The following ATG4A variants were observed in gnomAD, a reference collection of about 807,000 sequenced individuals.
ATG4A encodes autophagy related 4A cysteine peptidase, also known as cysteine protease ATG4A.
ATG4A carries 22 observed loss-of-function variants against 38.4 expected under a neutral mutation model. The observed-to-expected ratio is 0.57, with a 90% CI of 0.41 to 0.82. The LOEUF (loss-of-function observed/expected upper bound fraction) is 0.82. Among genes scored for constraint, ATG4A ranks in the 40% least tolerant of loss-of-function variants. The pLI is 0.00. For missense variants in ATG4A, 220 were observed against 290.0 expected (o/e 0.76, Z 1.75); for synonymous variants, 86 against 100.7 (o/e 0.85, Z 0.88).
intron 9 of ATG4A, 152 bp from the exon 10 acceptor site, chrX:108,150,000 A>T: frequency 1.6e-6 from 1 of 611,333 alleles, no homozygotes; most frequent in Non-Finnish European, 2.5e-6. Flanking sequence ...GGCTTCCTTT[A>T]AGCATGCTCA....
Position 108,153,707 on chromosome X carries a change from G to A in ATG4A, c.1192G>A (p.Val398Met). The change falls in exon 13 of 13, where the codon GTG becomes ATG. Residue 398 changes from valine (V) to methionine (M), a missense_variant. Around this residue, in one of 3 missense-constraint regions of ATG4A, gnomAD observed 159 missense variants for 188.9 expected, o/e 0.84. Coordinates refer to ENST00000372232, the MANE Select transcript of ATG4A (RefSeq NM_052936.5). ...GGAGGAAGATTTTGAGATTCTGAGT[G>A]TGTAGAATCCTGGGAACTCAACTTG... ...DLEEDFEILS[V>M] 1 of 1,202,479 alleles carries A rather than the reference G, an allele frequency of 8.3e-7. No homozygotes were observed. Among genetic ancestry groups the A allele is most frequent in the East Asian group, 3.0e-5 (1 of 33,808 alleles).
intron 6 of ATG4A, among the ~76,000 whole-genome samples, chrX:108,135,931 C>G (rs1029843728): frequency 2.7e-5 from 3 of 109,428 alleles, no homozygotes; most frequent in African/African-American, 1.0e-4. Context: ...TTACAGGTGG[C>G]TGCTACCACA....
intron 9 of ATG4A, among the ~76,000 whole-genome samples, chrX:108,144,765 A>T (rs1390046333): frequency 8.9e-6 from 1 of 112,428 alleles, no homozygotes; most frequent in African/African-American, 3.2e-5. Context: ...CAAATTTGGC[A>T]CCAATTTCCC....
intron 10 of ATG4A, among the ~76,000 whole-genome samples, chrX:108,150,734 G>A (rs1267964237): frequency 8.9e-6 from 1 of 111,995 alleles, no homozygotes; most frequent in Admixed American, 9.4e-5. Context: ...CTACCACAAG[G>A]ATGGTATGGG....
At chrX:108,095,374 AC>A (rs2031775101) in intron 1 of ATG4A, among the ~76,000 whole-genome samples, 1 of 111,874 alleles carries the variant, frequency 8.9e-6, no homozygotes, top group Non-Finnish European at 1.9e-5. Flanking sequence ...ACAGGCATGC[AC>A]CAACACACTC....
chrX:108,115,873 A>G (rs1023309615), intron 1 of ATG4A, among the ~76,000 whole-genome samples: 1 of 112,569 alleles, frequency 8.9e-6, no homozygotes, highest in Non-Finnish European at 1.9e-5. Context: ...ATGAAGAGCC[A>G]CTATTAGAGA....
At chrX:108,090,195 T>G (rs1292483674), upstream of ATG4A, among the ~76,000 whole-genome samples, 1 of 112,384 alleles carries the variant, frequency 8.9e-6, no homozygotes, top group African/African-American at 3.2e-5. Flanking sequence ...TTACACTTAC[T>G]AAAATTAACA....
chrX:108,153,018 C>T lies in ATG4A; in HGVS notation c.1057C>T (p.Gln353Ter). The change falls in exon 12 of 13, where the codon CAG becomes TAG. Residue 353 changes from glutamine (Q) to a stop codon, truncating the protein, a stop_gained. Transcript: ENST00000372232. LOFTEE classifies it high-confidence loss of function. ...GAATTTAAGGATGTTTGAATTAGTT[C>T]AGAAACATCCATCACACTGGCCTCC... The part of the protein sequence containing the change: ...KENLRMFELV[Q>*]KHPSHWPPFV... The T allele has an allele frequency of 8.3e-7, 1 of 1,210,555 alleles. No homozygotes were observed. Among genetic ancestry groups the T allele is most frequent in the Non-Finnish European group, 1.1e-6 (1 of 894,420 alleles).
chrX:108,118,960 T>A (rs778730736), intron 1 of ATG4A, among the ~76,000 whole-genome samples: 3 of 112,292 alleles, frequency 2.7e-5, no homozygotes, highest in Non-Finnish European at 5.6e-5. Flanking sequence ...TCATTTAACA[T>A]CCAGTGAATG....
intron 9 of ATG4A, chrX:108,143,647 A>G (rs7472328): frequency 0.48 from 82,686 of 172,243 alleles, 15,503 homozygotes; most frequent in African/African-American, 0.68. Flanking sequence ...CTTAACTTCC[A>G]GTTTAATGGA....
chrX:108,126,377 A>G (rs976008686), intron 2 of ATG4A, among the ~76,000 whole-genome samples, 190 bp downstream of exon 2: 1 of 111,937 alleles, frequency 8.9e-6, no homozygotes, highest in Non-Finnish European at 1.9e-5. Context: ...GCCCCTTCCA[A>G]GGCCCTGAAA....
rs1028696651 is a variant in ATG4A, at chrX:108,152,966, G to C, written c.1018-13G>C. The C allele has an allele frequency of 8.6e-7, 1 of 1,160,111 alleles. No homozygotes were observed. Among genetic ancestry groups the C allele is most frequent in the Middle Eastern group, 2.4e-4 (1 of 4,230 alleles). On this transcript the variant is annotated splice_polypyrimidine_tract_variant and intron_variant, in intron 11 of 12. Coordinates refer to ENST00000372232, the MANE Select transcript of ATG4A (RefSeq NM_052936.5). The stretch of plus-strand genomic sequence containing the variant: ...ACTCTGAAGTATTTAAAACTGTTTT[G>C]TCATCTCCCCAGGAAATTCTAAAGG...
chrX:108,141,058 GTGTATATATATACATATATATATA>G (rs1258908581), intron 9 of ATG4A, among the ~76,000 whole-genome samples: 8 of 30,570 alleles, frequency 2.6e-4, no homozygotes, highest in African/African-American at 9.9e-4. Context: ...ACATATATAC[GTGTATATATATACATATATATATA>G]TATATATATA....
chrX:108,150,051 C>T, intron 9 of ATG4A, 101 bp from the exon 10 acceptor site: 5 of 980,448 alleles, frequency 5.1e-6, no homozygotes, highest in Non-Finnish European at 7.1e-6. Flanking sequence ...CTCATTGTCA[C>T]CAAGGGAGGG....
At position 108,120,355 on chromosome X, in the gene ATG4A, A is replaced by G. The variant is rs6622292; in HGVS notation, c.11-5722A>G. 8.7e-4 allele frequency among the ~76,000 whole-genome samples: 98 copies of G among 112,042 alleles called. 1 individual carries two copies. In the East Asian group the frequency reaches 0.026, roughly 29 times the overall value. On this transcript the variant is annotated intron_variant, in intron 1 of 12. Coordinates refer to ENST00000372232, the MANE Select transcript of ATG4A (RefSeq NM_052936.5). ...AAAAAAGAGCAGAGCTATCTTAGCA[A>G]AGGCAAAAAGAGGCAGCAATTCAGA...
intron 1 of ATG4A, among the ~76,000 whole-genome samples, chrX:108,103,128 C>G (rs1421124938): frequency 9.0e-6 from 1 of 111,451 alleles, no homozygotes; most frequent in Non-Finnish European, 1.9e-5. Flanking sequence ...AGGATGATGG[C>G]TTCCAGCTCT....
chrX:108,093,311 A>G (rs969243865), intron 1 of ATG4A, among the ~76,000 whole-genome samples: 22 of 112,485 alleles, frequency 2.0e-4, no homozygotes, highest in Non-Finnish European at 9.4e-5. Flanking sequence ...AAATGAAATC[A>G]TACAATATGC....
intron 3 of ATG4A, among the ~76,000 whole-genome samples, chrX:108,129,840 G>C (rs2032907762): frequency 9.3e-6 from 1 of 107,518 alleles, no homozygotes; most frequent in Non-Finnish European, 1.9e-5. Flanking sequence ...AAAGTGCTGG[G>C]ATTATAGGCG....
chrX:108,137,699 A>G (rs1479318262), intron 7 of ATG4A, 105 bp from the exon 8 acceptor site: 2 of 834,539 alleles, frequency 2.4e-6, no homozygotes, highest in Non-Finnish European at 3.3e-6. Context: ...AGGGCCTTCT[A>G]GGCAGGGTGG....
Sources: allele counts gnomAD v4.1 joint callset (sites outside exome capture counted in the v4.1 genomes callset), GRCh38; gene constraint gnomAD v4.1.1; regional missense constraint gnomAD v4.1.1; transcripts MANE v1.5; gene names NCBI Gene and HGNC (gene_info 2026-07-23, HGNC 2026-07-21).